Variants in CNTN3 observed in about 807,000 individuals in gnomAD.
CNTN3 encodes the protein contactin 3.
A neutral mutation model predicts 119.1 loss-of-function variants in CNTN3; 60 were observed. The observed-to-expected ratio is 0.50, with a 90% CI of 0.41 to 0.62. The LOEUF is 0.62. CNTN3 is among the 20% of genes least tolerant of loss of function. The probability of loss-of-function intolerance (pLI) is 0.00; values close to 1 mark genes in which losing one functional copy is unlikely to be tolerated. For missense variants in CNTN3, 1,101 were observed against 1,242.4 expected, an observed-to-expected ratio of 0.89 and a Z score of 1.71; for synonymous variants, 450 against 438.7, an observed-to-expected ratio of 1.03 and a Z score of -0.32.
At chr3:74,425,809 T>G (rs1459357693) in intron 4 of CNTN3, among the ~76,000 whole-genome samples, 2 of 152,162 alleles carry the variant, frequency 1.3e-5, no homozygotes, top group South Asian at 2.1e-4. Flanking sequence ...TTTCTGAGTA[T>G]AAGTCCTATT....
chr3:74,288,161 T>TTC (rs1173570571), intron 19 of CNTN3, among the ~76,000 whole-genome samples: 11 of 139,500 alleles, frequency 7.9e-5, no homozygotes, highest in Admixed American at 4.2e-4. Flanking sequence ...TTTCTTTTCT[T>TTC]TTTTTTTTTT....
Position 74,474,369 on chromosome 3 carries a change from A to G in CNTN3, c.358+12087T>C, listed in dbSNP as rs1702616664. Reference sequence around the variant, plus strand: ...AATCAAAATTATGGTTTGAAAACATAAGCTTGAGATGTCTACTGATACCCA... The same window carrying G: ...AATCAAAATTATGGTTTGAAAACATGAGCTTGAGATGTCTACTGATACCCA... On this transcript the variant is annotated intron_variant, in intron 4 of 22. Transcript: ENST00000263665. 1.3e-5 allele frequency among the ~76,000 whole-genome samples: 2 copies of G among 152,162 alleles called. 1 individual carries two copies. The highest frequency in any genetic ancestry group is 1.3e-4 in the Admixed American group (2 of 15,274).
intron 1 of CNTN3, among the ~76,000 whole-genome samples, chr3:74,529,154 TA>T (rs1205066084): frequency 5.3e-5 from 8 of 151,920 alleles, no homozygotes; most frequent in Non-Finnish European, 8.8e-5. Context: ...AGGAAGAGAA[TA>T]GAAAGATAAA....
At chr3:74,292,317 C>A (rs531764321) in intron 19 of CNTN3, among the ~76,000 whole-genome samples, 1 of 152,348 alleles carries the variant, frequency 6.6e-6, no homozygotes, top group South Asian at 2.1e-4. Flanking sequence ...GTAATCCCAG[C>A]ACTTTGGGAG....
intron 1 of CNTN3, among the ~76,000 whole-genome samples, chr3:74,569,741 C>T (rs1316072353): frequency 1.3e-5 from 2 of 152,132 alleles, no homozygotes; most frequent in Non-Finnish European, 2.9e-5. Context: ...GGTCTGAGCA[C>T]ATTTTAGCTG....
intron 5 of CNTN3, among the ~76,000 whole-genome samples, chr3:74,405,536 C>T (rs965121767): frequency 1.5e-4 from 23 of 151,986 alleles, no homozygotes; most frequent in African/African-American, 4.8e-4. Flanking sequence ...CTTCTAAATA[C>T]ATTATCAATA....
At chr3:74,448,492 C>T (rs1277097698) in intron 4 of CNTN3, among the ~76,000 whole-genome samples, 2 of 152,242 alleles carry the variant, frequency 1.3e-5, no homozygotes, top group Middle Eastern at 3.4e-3. Context: ...TCAGAAATAT[C>T]TGACAAGTAT....
Position 74,598,016 on chromosome 3 carries a change from G to A in CNTN3, c.-81+16375C>T, listed in dbSNP as rs190657727. 4.1e-4 allele frequency among the ~76,000 whole-genome samples: 63 copies of A among 152,138 alleles called. No homozygotes were observed. The East Asian group carries it at 8.0e-3, about 19-fold the overall frequency. On this transcript the variant is annotated intron_variant, in intron 1 of 22. Transcript: ENST00000263665. The stretch of plus-strand genomic sequence containing the variant: ...TGGGCTCAAGTAGTTCCTTAGAGTG[G>A]AAGATTATAAAGATGATAGCCTATG...
intron 1 of CNTN3, among the ~76,000 whole-genome samples, chr3:74,541,608 C>G (rs1703844168): frequency 6.6e-6 from 1 of 151,850 alleles, no homozygotes; most frequent in African/African-American, 2.4e-5. Flanking sequence ...AAAATCCAAA[C>G]AGTAGTGACC....
At chr3:74,290,201 T>C (rs1017598542) in intron 19 of CNTN3, among the ~76,000 whole-genome samples, 3 of 152,212 alleles carry the variant, frequency 2.0e-5, no homozygotes, top group African/African-American at 7.2e-5. Flanking sequence ...ACCTGCATGG[T>C]ATAACTTACT....
In CNTN3 at chr3:74,315,998, T is replaced by C. The variant is rs140524496; in HGVS notation, c.1669-13191A>G. 1.7e-3 allele frequency among the ~76,000 whole-genome samples: 259 copies of C among 152,312 alleles called. 2 individuals carry two copies. The highest frequency in any genetic ancestry group is 6.0e-3 in the African/African-American group (248 of 41,578). ...TGCAACGTAATCAAAAATTGACAAG[T>C]GGGACCTAATTAAACTAAAGAGCTT... On this transcript the variant is annotated intron_variant, in intron 13 of 22. Coordinates refer to ENST00000263665, the MANE Select transcript of CNTN3 (RefSeq NM_020872.3).
chr3:74,359,288 A>G (rs181106192), intron 11 of CNTN3, among the ~76,000 whole-genome samples: 71 of 152,298 alleles, frequency 4.7e-4, no homozygotes, highest in Non-Finnish European at 2.5e-4. Context: ...TTATAACATG[A>G]TCTCATTCTT....
At chr3:74,489,429 TCTTTC>T (rs1311516491) in intron 3 of CNTN3, among the ~76,000 whole-genome samples, 3 of 144,516 alleles carry the variant, frequency 2.1e-5, no homozygotes, top group African/African-American at 7.5e-5. Flanking sequence ...CTCCCTCCCT[TCTTTC>T]TTTTCTTCCT....
chr3:74,543,039 A>G (rs776965425), intron 1 of CNTN3, among the ~76,000 whole-genome samples: 3 of 152,046 alleles, frequency 2.0e-5, no homozygotes, highest in Non-Finnish European at 4.4e-5. Flanking sequence ...GAGGTAGGAG[A>G]ATCCCTTGAA....
intron 19 of CNTN3, among the ~76,000 whole-genome samples, chr3:74,288,938 T>C (rs990090357): frequency 6.6e-6 from 1 of 152,174 alleles, no homozygotes; most frequent in African/African-American, 2.4e-5. Context: ...AACTACTGCT[T>C]GGTCAAATCA....
chr3:74,461,759 C>A (rs1052051473), intron 4 of CNTN3, among the ~76,000 whole-genome samples: 3 of 152,032 alleles, frequency 2.0e-5, no homozygotes, highest in African/African-American at 7.2e-5. Flanking sequence ...ATGATAGACA[C>A]TAGTGTTAAA....
intron 11 of CNTN3, among the ~76,000 whole-genome samples, chr3:74,342,177 CAT>C (rs956619120): frequency 5.3e-5 from 8 of 151,926 alleles, no homozygotes; most frequent in Non-Finnish European, 7.4e-5. Flanking sequence ...AGAAAATAAA[CAT>C]GAGAGAAAAA....
chr3:74,592,083 A>G (rs1157391967), intron 1 of CNTN3, among the ~76,000 whole-genome samples: 1 of 151,956 alleles, frequency 6.6e-6, no homozygotes, highest in Non-Finnish European at 1.5e-5. Flanking sequence ...CAGTGGTATA[A>G]AAGTCAAAGC....
chr3:74,562,943 G>A lies in CNTN3; in HGVS notation c.-80-41751C>T, dbSNP rs115720249. Among the ~76,000 whole-genome samples, 552 of 152,268 alleles carry A rather than the reference G, an allele frequency of 3.6e-3. 2 individuals carry two copies. The highest frequency in any genetic ancestry group is 5.4e-3 in the Non-Finnish European group (364 of 68,028). ...AGAAAGGCTAAGAGACACTTAGGCAGCCCTGGCATGCGAAGAGATAATGCC... is the reference window on the plus strand; with the variant it reads ...AGAAAGGCTAAGAGACACTTAGGCAACCCTGGCATGCGAAGAGATAATGCC... On this transcript the variant is annotated intron_variant, in intron 1 of 22. Transcript: ENST00000263665.
Sources: gnomAD v4.1 joint callset for allele counts (sites outside exome capture counted in the v4.1 genomes callset) on GRCh38, gnomAD v4.1.1 for gene constraint, MANE v1.5 for transcripts, NCBI Gene and HGNC (gene_info 2026-07-23, HGNC 2026-07-21) for gene names.